RBFOX3: variants seen among roughly 807,000 people sequenced by gnomAD.
The protein encoded by RBFOX3 is RNA binding protein fox-1 homolog 3.
A neutral mutation model predicts 48.7 loss-of-function variants in RBFOX3; 17 were observed. The ratio of observed to expected loss-of-function variants is 0.35; its 90% CI spans 0.24 to 0.52. The LOEUF (loss-of-function observed/expected upper bound fraction) is 0.52, where lower values mean the gene tolerates loss of function less well. Ranked by LOEUF, RBFOX3 falls within the 20% of genes least tolerant of loss-of-function variation. The probability of loss-of-function intolerance (pLI) is 0.94; values close to 1 mark genes in which losing one functional copy is unlikely to be tolerated. For missense variants in RBFOX3, 382 were observed against 497.5 expected (o/e 0.77, Z 2.21); for synonymous variants, 212 against 209.5 (o/e 1.01, Z -0.10).
chr17:79,520,067 T>C (rs1056662390), intron 1 of RBFOX3, among the ~76,000 whole-genome samples: 2 of 152,218 alleles, frequency 1.3e-5, no homozygotes, highest in Non-Finnish European at 1.5e-5. Flanking sequence ...GTCTCCCCTG[T>C]GCAGTCGAGG....
At chr17:79,427,173 C>T (rs1055665679) in intron 2 of RBFOX3, among the ~76,000 whole-genome samples, 2 of 152,146 alleles carry the variant, frequency 1.3e-5, no homozygotes, top group Admixed American at 6.5e-5. Context: ...GAGATGCGGA[C>T]GGGGGGCCCC....
chr17:79,202,485 T>A (rs1318185787), intron 4 of RBFOX3, among the ~76,000 whole-genome samples: 2 of 152,172 alleles, frequency 1.3e-5, no homozygotes, highest in African/African-American at 4.8e-5. Context: ...CGCAGAGCCA[T>A]ACAGCTTACG....
intron 2 of RBFOX3, among the ~76,000 whole-genome samples, chr17:79,419,242 C>T (rs1357967279): frequency 6.6e-6 from 1 of 152,212 alleles, no homozygotes; most frequent in African/African-American, 2.4e-5. Flanking sequence ...TGCTAAGATG[C>T]CTTTTCCCCG....
chr17:79,212,533 C>T lies in RBFOX3; in HGVS notation c.-34+23233G>A, dbSNP rs2058515519. On this transcript the variant is annotated intron_variant, in intron 4 of 14. Coordinates refer to ENST00000693108, the MANE Select transcript of RBFOX3 (RefSeq NM_001350451.2). The surrounding 1 kb of genome is among the most constrained non-coding windows in gnomAD (Gnocchi z 4.7). Reference sequence around the variant, plus strand: ...GCAACTCCTGACTCCTTATTCTGCACTTCCTTCCTTGTTCTTCATAAAGAG... The same window carrying T: ...GCAACTCCTGACTCCTTATTCTGCATTTCCTTCCTTGTTCTTCATAAAGAG... 6.6e-6 allele frequency among the ~76,000 whole-genome samples: 1 copy of T among 152,226 alleles called. No individual in the cohort carries two copies. Among genetic ancestry groups the T allele is most frequent in the South Asian group, 2.1e-4 (1 of 4,836 alleles).
At chr17:79,310,293 G>A (rs1326502043) in intron 2 of RBFOX3, among the ~76,000 whole-genome samples, 1 of 152,130 alleles carries the variant, frequency 6.6e-6, no homozygotes, top group Non-Finnish European at 1.5e-5. Context: ...AGATTCCTGA[G>A]CCTGGGGGTC....
At chr17:79,234,930 C>T (rs1424140763) in intron 4 of RBFOX3, 1 of 151,920 alleles carries the variant, frequency 6.6e-6, no homozygotes, top group Non-Finnish European at 1.5e-5. Context: ...TAGGGTTTCG[C>T]CATGTTGGCC....
chr17:79,092,730 A>G, intron 14 of RBFOX3: 1 of 683,406 alleles, frequency 1.5e-6, no homozygotes, highest in East Asian at 1.4e-4. Context: ...GGAAAAACAA[A>G]AAGAGAAATA....
intron 4 of RBFOX3, among the ~76,000 whole-genome samples, chr17:79,190,431 A>AG (rs61554770): frequency 4.1e-5 from 6 of 145,992 alleles, no homozygotes; most frequent in Non-Finnish European, 9.1e-5. Flanking sequence ...AAAAAAAAAA[A>AG]CAAAAAAACA....
chr17:79,632,741 TAAAAAA>T, the RBFOX3 span, among the ~76,000 whole-genome samples: 7 of 125,508 alleles, frequency 5.6e-5, no homozygotes, highest in African/African-American at 1.2e-4. Flanking sequence ...ACGTATCTAC[TAAAAAA>T]AAAAAAAAAA....
rs550582131 is a variant in RBFOX3 at position 79,305,010 on chromosome 17, G to A, written c.-74+2714C>T. Among the ~76,000 whole-genome samples the A allele has an allele frequency of 5.3e-5, 8 of 152,266 alleles. No homozygotes were observed. In the East Asian group the frequency reaches 1.4e-3, roughly 26 times the overall value. On this transcript the variant is annotated intron_variant, in intron 3 of 14. Transcript: ENST00000693108. ...TTCCATGGACGCTATCCTGAGCCCC[G>A]TGCTTAGAGGGCCGGGTGGACTCCG...
chr17:79,313,887 G>C (rs1257799323), intron 2 of RBFOX3, among the ~76,000 whole-genome samples: 1 of 152,212 alleles, frequency 6.6e-6, no homozygotes, highest in Non-Finnish European at 1.5e-5. Flanking sequence ...AGGAGCTACT[G>C]TGGGGCTGCA....
At chr17:79,309,920 A>T (rs899656573) in intron 2 of RBFOX3, among the ~76,000 whole-genome samples, 1 of 152,138 alleles carries the variant, frequency 6.6e-6, no homozygotes, top group South Asian at 2.1e-4. Context: ...TCTTTCCTTT[A>T]TAAGTTACCC....
At chr17:79,123,242 T>A (rs949589511) in intron 4 of RBFOX3, among the ~76,000 whole-genome samples, 1 of 152,228 alleles carries the variant, frequency 6.6e-6, no homozygotes, top group Admixed American at 6.5e-5. Context: ...AAAGGATAAA[T>A]GCTTGAGGAG....
chr17:79,408,267 A>T (rs1051043631), intron 2 of RBFOX3, among the ~76,000 whole-genome samples: 5 of 152,156 alleles, frequency 3.3e-5, no homozygotes, highest in African/African-American at 4.8e-5. Context: ...TCACAGTGAG[A>T]AGTGCCCCAC....
At chr17:79,280,151 G>GCACA (rs10650243) in intron 3 of RBFOX3, among the ~76,000 whole-genome samples, 11,398 of 149,866 alleles carry the variant, frequency 0.076, 468 homozygotes, top group East Asian at 0.19. Context: ...ACATGTGCGT[G>GCACA]CACACACACA....
rs1371340111 is a variant in RBFOX3, at chr17:79,183,233, G to GGGGGCC, written c.-34+52527_-34+52532dup. 6 of 151,094 alleles carry GGGGGCC rather than the reference G, an allele frequency of 4.0e-5. No homozygotes were observed. The East Asian group carries it at 9.7e-4, about 25-fold the overall frequency. The allele number at this position is 151,094 out of a possible 1,614,324, so 9.4% of individuals were successfully genotyped here. A position where few individuals can be genotyped will look rare whatever the true frequency, so the allele number is the denominator to read the frequency against. On this transcript the variant is annotated intron_variant, in intron 4 of 14. Transcript: ENST00000693108. Reference sequence around the variant, plus strand: ...GCGCGGGGCGCACGTGCGCCGGGCCGGGGGCCGGGGCCGGGCGGGGGGCCG... The same window carrying GGGGGCC: ...GCGCGGGGCGCACGTGCGCCGGGCCGGGGGCCGGGGCCGGGGCCGGGCGGGGGGCCG...
chr17:79,352,491 G>C (rs1202869361), intron 2 of RBFOX3, among the ~76,000 whole-genome samples: 1 of 152,172 alleles, frequency 6.6e-6, no homozygotes, highest in Non-Finnish European at 1.5e-5. Flanking sequence ...TTATGGCAGT[G>C]CGAGAACAGA....
At position 79,209,996 on chromosome 17, in the gene RBFOX3, C is replaced by CAA. The variant is rs11452185; in HGVS notation, c.-34+25768_-34+25769dup. 8.4e-3 allele frequency among the ~76,000 whole-genome samples: 1,118 copies of CAA among 132,698 alleles called. 7 individuals carry two copies. Among genetic ancestry groups the CAA allele is most frequent in the Middle Eastern group, 0.019 (5 of 260 alleles). 87.1% of individuals were successfully genotyped at this position (132,698 alleles called of 152,430 possible). On this transcript the variant is annotated intron_variant, in intron 4 of 14. Transcript: ENST00000693108. ...TGGGCGACAGAGCAAGACTCCATCT[C>CAA]AAAAAAAAAAAAAAAAGAAAGAAAA...
chr17:79,603,762 A>C (rs1257446010), intron 1 of RBFOX3: 2 of 152,288 alleles, frequency 1.3e-5, no homozygotes, highest in East Asian at 3.9e-4. Context: ...CCCACTCACC[A>C]CATCAGCGGC....
Sources: allele counts gnomAD v4.1 joint callset (sites outside exome capture counted in the v4.1 genomes callset), GRCh38; gene constraint gnomAD v4.1.1; non-coding constraint Gnocchi (gnomAD v3.1); transcripts MANE v1.5; gene names NCBI Gene and HGNC (gene_info 2026-07-23, HGNC 2026-07-21).